Variants in RHCG observed in about 807,000 individuals in gnomAD.
RHCG encodes Rh family C glycoprotein, also known as ammonium transporter Rh type C.
Under a neutral mutation model 55.3 loss-of-function variants are expected in RHCG, and 39 were observed. The ratio of observed to expected loss-of-function variants is 0.70; its 90% CI spans 0.55 to 0.92. RHCG has a LOEUF of 0.92. RHCG is among the 40% of genes least tolerant of loss of function. The probability of loss-of-function intolerance (pLI) is 0.00; values close to 1 mark genes in which losing one functional copy is unlikely to be tolerated. For synonymous variants in RHCG, 250 were observed against 246.8 expected, an observed-to-expected ratio of 1.01 and a Z score of -0.12; for missense variants, 635 against 627.9, an observed-to-expected ratio of 1.01 and a Z score of -0.12.
intron 10 of RHCG, among the ~76,000 whole-genome samples, 199 bp from the exon 11 acceptor site, chr15:89,472,054 A>G (rs1961047374): frequency 6.6e-6 from 1 of 152,188 alleles, no homozygotes; most frequent in African/African-American, 2.4e-5. Flanking sequence ...TCTGGCCTCC[A>G]AGGAAGTTAA....
chr15:89,479,783 G>A, intron 4 of RHCG: 1 of 446,934 alleles, frequency 2.2e-6, no homozygotes, highest in Non-Finnish European at 4.0e-6. Context: ...TCTACTGTAG[G>A]GAGATCCTCC....
At chr15:89,487,024 G>C in intron 1 of RHCG, 39 bp from the exon 2 acceptor site, 1 of 1,512,762 alleles carries the variant, frequency 6.6e-7, no homozygotes, top group Non-Finnish European at 8.9e-7. Context: ...GTGGTCTGGC[G>C]AAGGTTCGTC....
intron 9 of RHCG, among the ~76,000 whole-genome samples, chr15:89,473,507 GTTAT>G (rs1436624431): frequency 6.6e-6 from 1 of 152,148 alleles, no homozygotes; most frequent in Non-Finnish European, 1.5e-5. Flanking sequence ...ACAGAATTTT[GTTAT>G]TCCCAACCAG....
intron 1 of RHCG, among the ~76,000 whole-genome samples, chr15:89,491,023 C>T (rs1381493637): frequency 3.3e-5 from 5 of 152,092 alleles, no homozygotes; most frequent in Non-Finnish European, 5.9e-5. Context: ...ACAGCATCAC[C>T]GCAAGTGGGG....
At chr15:89,484,937 A>G (rs1312840065) in intron 2 of RHCG, among the ~76,000 whole-genome samples, 1 of 152,124 alleles carries the variant, frequency 6.6e-6, no homozygotes, top group Non-Finnish European at 1.5e-5. Context: ...GACAGGTGGG[A>G]CTTAGAAGAC....
intron 1 of RHCG, among the ~76,000 whole-genome samples, chr15:89,495,991 T>C (rs1050875820): frequency 2.0e-5 from 3 of 152,182 alleles, no homozygotes; most frequent in Admixed American, 6.5e-5. Flanking sequence ...GGCTGGCGCT[T>C]ATTTGGAGTA....
intron 1 of RHCG, among the ~76,000 whole-genome samples, chr15:89,493,788 C>T (rs536220945): frequency 2.0e-4 from 31 of 152,270 alleles, no homozygotes; most frequent in African/African-American, 5.8e-4. Context: ...CTGCTCCTCT[C>T]GCTCCCTGGT....
At chr15:89,494,743 A>T (rs1281477385) in intron 1 of RHCG, among the ~76,000 whole-genome samples, 1 of 151,916 alleles carries the variant, frequency 6.6e-6, no homozygotes, top group African/African-American at 2.4e-5. Context: ...CCCAAGCTCA[A>T]GCGATCCTCC....
chr15:89,489,944 T>C (rs139292322), intron 1 of RHCG, among the ~76,000 whole-genome samples: 227 of 152,368 alleles, frequency 1.5e-3, no homozygotes, highest in African/African-American at 5.2e-3. Flanking sequence ...GGCAGAGCCA[T>C]GCCTGTTTTG....
At position 89,477,855 on chromosome 15, in the gene RHCG, C is replaced by T. The variant is rs745901882; in HGVS notation, c.957G>A (p.Leu319=). The T allele has an allele frequency of 3.1e-6, 5 of 1,613,964 alleles. No individual in the cohort carries two copies. The highest frequency in any genetic ancestry group is 4.2e-6 in the Non-Finnish European group (5 of 1,180,016). ...CACTTACGGTCAGGTATACAAAACC[C>T]AGGGTGGAGATGATGCCGCAGACGA... ...IGFVCGIIST[L]GFVYLTPFLE... The change falls in exon 6 of 11, where the codon CTG becomes CTA. Residue 319 remains leucine (L), a synonymous_variant. Coordinates refer to ENST00000268122, the MANE Select transcript of RHCG (RefSeq NM_016321.3). The surrounding 1 kb of genome is among the most constrained non-coding windows in gnomAD (Gnocchi z 4.5).
chr15:89,483,295 A>G, intron 2 of RHCG, 78 bp from the exon 3 acceptor site: 1 of 1,362,150 alleles, frequency 7.3e-7, no homozygotes, highest in Non-Finnish European at 9.8e-7. Flanking sequence ...TTGGTCATAT[A>G]TGGATTTGGG....
chr15:89,476,879 C>T (rs1323556997), intron 8 of RHCG, 51 bp from the exon 9 acceptor site: 5 of 1,564,318 alleles, frequency 3.2e-6, no homozygotes, highest in Non-Finnish European at 4.4e-6. Context: ...TCTCTCTGCT[C>T]ACCCCAGCCA....
chr15:89,473,294 C>T (rs947492263), intron 9 of RHCG, among the ~76,000 whole-genome samples: 3 of 152,094 alleles, frequency 2.0e-5, no homozygotes, highest in Non-Finnish European at 2.9e-5. Flanking sequence ...CAGACAGGTC[C>T]GAAAATGGGG....
chr15:89,482,932 T>G, intron 3 of RHCG, 135 bp downstream of exon 3: 7 of 825,514 alleles, frequency 8.5e-6, no homozygotes, highest in East Asian at 2.7e-5. Flanking sequence ...ACTTTAGAGA[T>G]GAGAAAACTG....
chr15:89,477,892 A>G lies in RHCG; in HGVS notation c.920T>C (p.Leu307Pro). The G allele has an allele frequency of 6.2e-7, 1 of 1,614,090 alleles. No individual in the cohort carries two copies. The highest frequency in any genetic ancestry group is 8.5e-7 in the Non-Finnish European group (1 of 1,180,002). Residue 307 changes from leucine to proline, a missense_variant, in exon 6 of 11, where the codon CTC becomes CCC. Leu to Pro is a moderately conservative substitution (Grantham distance 98). Transcript: ENST00000268122. This position sits in a 1 kb window ranked among gnomAD's most constrained non-coding sequence, Gnocchi z 4.5. ...AEMMLMPYGALIIGFVCGIIS... is the reference protein window; with the variant it reads ...AEMMLMPYGAPIIGFVCGIIS... ...GATGCCGCAGACGAAGCCGATGATG[A>G]GGGCACCGTAAGGCATGAGCATCAT...
intron 1 of RHCG, among the ~76,000 whole-genome samples, chr15:89,491,781 T>C (rs1408625324): frequency 6.9e-6 from 1 of 145,438 alleles, no homozygotes; most frequent in Non-Finnish European, 1.5e-5. Context: ...AAATAAAAAT[T>C]AAAAAAAAAA....
chr15:89,474,804 GCCTTCCTT>G (rs1168116234), intron 9 of RHCG, among the ~76,000 whole-genome samples: 1 of 88,076 alleles, frequency 1.1e-5, no homozygotes, highest in African/African-American at 4.7e-5. Flanking sequence ...CTTCCTGCCT[GCCTTCCTT>G]CCTGCCTGCC....
At chr15:89,495,830 G>A (rs1022362781) in intron 1 of RHCG, among the ~76,000 whole-genome samples, 3 of 152,240 alleles carry the variant, frequency 2.0e-5, no homozygotes, top group African/African-American at 7.2e-5. Flanking sequence ...GAGAAAGGGA[G>A]GTGTGTGATT....
At chr15:89,483,270 T>C (rs1961302151) in intron 2 of RHCG, 53 bp from the exon 3 acceptor site, 6 of 1,449,536 alleles carry the variant, frequency 4.1e-6, no homozygotes, top group South Asian at 1.5e-5. Context: ...AAAGTGGCAC[T>C]GGAGGCCCTG....
Sources: gnomAD v4.1 joint callset for allele counts (sites outside exome capture counted in the v4.1 genomes callset) on GRCh38, gnomAD v4.1.1 for gene constraint, Gnocchi (gnomAD v3.1) non-coding constraint, MANE v1.5 for transcripts, NCBI Gene and HGNC (gene_info 2026-07-23, HGNC 2026-07-21) for gene names.